NAV3: variants seen among roughly 807,000 people sequenced by gnomAD.
The protein encoded by NAV3 is neuron navigator 3, also known as pore membrane and/or filament interacting like protein 1.
Under a neutral mutation model 244.7 loss-of-function variants are expected in NAV3, and 87 were observed. The observed-to-expected ratio is 0.36, with a 90% CI of 0.30 to 0.42. NAV3 has a LOEUF of 0.42. NAV3 is among the 20% of genes least tolerant of loss of function. The pLI, the probability that NAV3 is intolerant of heterozygous loss-of-function variation, is 1.00. For missense variants in NAV3, 2,663 were observed against 2,893.3 expected, an observed-to-expected ratio of 0.92 and a Z score of 1.83; for synonymous variants, 1,126 against 1,042.2, an observed-to-expected ratio of 1.08 and a Z score of -1.55.
rs760922961 is a variant in NAV3 at position 78,128,758 on chromosome 12, C to T, written c.4333C>T (p.Arg1445Cys). ...CCAAGAAGAGGGCAAAGAGTGGTTGCGTTCTCATTCTACTGGAGGGCTTCA... is the reference window on the plus strand; with the variant it reads ...CCAAGAAGAGGGCAAAGAGTGGTTGTGTTCTCATTCTACTGGAGGGCTTCA... ...ANQEEGKEWLRSHSTGGLQDT... is the reference protein window; with the variant it reads ...ANQEEGKEWLCSHSTGGLQDT... The change falls in exon 18 of 40, where the codon CGT becomes TGT. Residue 1445 changes from arginine to cysteine, a missense_variant. Transcript: ENST00000397909. 5.0e-6 allele frequency: 8 copies of T among 1,614,040 alleles called. No individual in the cohort carries two copies. Among genetic ancestry groups the T allele is most frequent in the South Asian group, 1.1e-5 (1 of 91,074 alleles).
At chr12:77,836,404 C>T (rs114042225) in intron 1 of NAV3, among the ~76,000 whole-genome samples, 2,095 of 152,266 alleles carry the variant, frequency 0.014, 35 homozygotes, top group African/African-American at 0.047. Flanking sequence ...CCTTCCCTCT[C>T]AGATTACTTG....
chr12:78,095,063 A>ATG (rs1555285107), intron 12 of NAV3, among the ~76,000 whole-genome samples: 1 of 110,746 alleles, frequency 9.0e-6, no homozygotes, highest in Non-Finnish European at 2.3e-5. Flanking sequence ...ATATATATAT[A>ATG]TACACACACA....
At chr12:77,668,961 C>A (rs1873840885) in intron 2 of NAV3, among the ~76,000 whole-genome samples, 1 of 152,118 alleles carries the variant, frequency 6.6e-6, no homozygotes, top group South Asian at 2.1e-4. Flanking sequence ...TCAAAAGAAA[C>A]CCTACAAGCT....
intron 2 of NAV3, among the ~76,000 whole-genome samples, chr12:77,631,767 C>A (rs1191889082): frequency 2.0e-5 from 3 of 152,148 alleles, no homozygotes; most frequent in Non-Finnish European, 2.9e-5. Context: ...TAATCTAATA[C>A]AATTCAGCTT....
chr12:77,684,014 A>T (rs1001369218), intron 2 of NAV3, among the ~76,000 whole-genome samples: 9 of 152,174 alleles, frequency 5.9e-5, no homozygotes, highest in Non-Finnish European at 1.2e-4. Context: ...AAACTGCTTA[A>T]TGATTTTCTA....
intron 17 of NAV3, among the ~76,000 whole-genome samples, chr12:78,127,639 T>C (rs1955975129): frequency 6.6e-6 from 1 of 152,138 alleles, no homozygotes; most frequent in African/African-American, 2.4e-5. Context: ...TCAAAACCCA[T>C]GCAGTCTACA....
chr12:78,148,331 G>C (rs749388321), intron 21 of NAV3, among the ~76,000 whole-genome samples: 25 of 151,844 alleles, frequency 1.6e-4, no homozygotes, highest in Non-Finnish European at 2.9e-5. Flanking sequence ...TTAAGCCCAA[G>C]TTTTAGTGAT....
At chr12:77,758,909 A>T (rs1247627502) in intron 2 of NAV3, among the ~76,000 whole-genome samples, 8 of 152,262 alleles carry the variant, frequency 5.3e-5, no homozygotes. Context: ...TTTTTCATTT[A>T]AGCCAAAGCA....
At chr12:78,188,200 A>G in intron 31 of NAV3, 48 bp from the exon 32 acceptor site, 1 of 1,364,268 alleles carries the variant, frequency 7.3e-7, no homozygotes, top group Non-Finnish European at 1.0e-6. Flanking sequence ...TAGTAATAAA[A>G]AAGATACACG....
chr12:77,654,211 G>T (rs112536029), intron 2 of NAV3, among the ~76,000 whole-genome samples: 7,963 of 152,198 alleles, frequency 0.052, 396 homozygotes, highest in African/African-American at 0.15. Flanking sequence ...CAAAGAAAGG[G>T]GTGACAGACG....
At chr12:77,979,415 T>A (rs1284681379) in intron 5 of NAV3, among the ~76,000 whole-genome samples, 1 of 151,550 alleles carries the variant, frequency 6.6e-6, no homozygotes, top group Non-Finnish European at 1.5e-5. Context: ...AAAAATACAC[T>A]AAAAATAAAA....
At chr12:77,877,283 A>G (rs1295660627) in intron 1 of NAV3, among the ~76,000 whole-genome samples, 1 of 152,074 alleles carries the variant, frequency 6.6e-6, no homozygotes, top group African/African-American at 2.4e-5. Flanking sequence ...CAGTTATTTT[A>G]TTATTAAAAT....
chr12:78,177,113 A>G (rs1958263471), intron 26 of NAV3, 28 bp from the exon 27 acceptor site: 6 of 1,612,322 alleles, frequency 3.7e-6, no homozygotes, highest in Non-Finnish European at 5.1e-6. Context: ...CAAATAGACA[A>G]GAAGGGTAAT....
At chr12:77,888,251 G>C (rs1883524745) in intron 1 of NAV3, among the ~76,000 whole-genome samples, 1 of 152,098 alleles carries the variant, frequency 6.6e-6, no homozygotes, top group South Asian at 2.1e-4. Context: ...CAAGGAGGTA[G>C]AGGCAGGGGG....
chr12:78,149,094 A>G (rs1956974151), intron 22 of NAV3, among the ~76,000 whole-genome samples, 175 bp downstream of exon 22: 1 of 152,118 alleles, frequency 6.6e-6, no homozygotes, highest in African/African-American at 2.4e-5. Context: ...TGTAAATCCA[A>G]ACTGATGAGA....
In NAV3 at chr12:77,998,453, A is replaced by G. The variant is rs746256657; in HGVS notation, c.857A>G (p.Asn286Ser). The change falls in exon 7 of 40, where the codon AAT (asparagine) becomes AGT (serine). Residue 286 changes from asparagine to serine, a missense_variant. By Grantham distance (46) the Asn-to-Ser change is conservative (BLOSUM62 1). Transcript: ENST00000397909. ...FNSIDKNKPP[N>S]YANGNEKDSS... ...AGCATTGACAAAAACAAGCCTCCAA[A>G]TTATGCAAATGGAAACGAAAAAGGT... The G allele has an allele frequency of 1.4e-5, 22 of 1,606,486 alleles. No homozygotes were observed. The Admixed American group carries it at 2.4e-4, about 18-fold the overall frequency.
intron 36 of NAV3, 154 bp from the exon 37 acceptor site, chr12:78,199,181 T>C: frequency 1.4e-6 from 1 of 724,830 alleles, no homozygotes; most frequent in Non-Finnish European, 2.4e-6. Flanking sequence ...TCCTAACACC[T>C]TTGATCATGA....
At position 78,175,436 on chromosome 12, in the gene NAV3, C is replaced by T. The variant is rs1448041145; in HGVS notation, c.5103+9C>T. On this transcript the variant is annotated intron_variant, in intron 25 of 39. Transcript: ENST00000397909. Reference sequence around the variant, plus strand: ...AGAAAAAGAAAAACTGGGTAAGTTACCATCCTTCATCTAATTCAGAAGCTT... The same window carrying T: ...AGAAAAAGAAAAACTGGGTAAGTTATCATCCTTCATCTAATTCAGAAGCTT... 1 of 1,607,052 alleles carries T rather than the reference C, an allele frequency of 6.2e-7. No homozygotes were observed. Among genetic ancestry groups the T allele is most frequent in the Non-Finnish European group, 8.5e-7 (1 of 1,177,068 alleles).
At chr12:78,019,430 C>A (rs1876779416) in intron 8 of NAV3, among the ~76,000 whole-genome samples, 1 of 152,110 alleles carries the variant, frequency 6.6e-6, no homozygotes, top group African/African-American at 2.4e-5. Flanking sequence ...AGAATAGCGT[C>A]TAGTCTGGGA....
Sources: allele counts gnomAD v4.1 joint callset (sites outside exome capture counted in the v4.1 genomes callset), GRCh38; gene constraint gnomAD v4.1.1; transcripts MANE v1.5; gene names NCBI Gene and HGNC (gene_info 2026-07-23, HGNC 2026-07-21).